EYA1: variants seen among roughly 807,000 people sequenced by gnomAD.
The protein encoded by EYA1 is EYA transcriptional coactivator and phosphatase 1.
A neutral mutation model predicts 82.0 loss-of-function variants in EYA1; 16 were observed. The observed-to-expected ratio is 0.20, with a 90% CI of 0.13 to 0.30. The LOEUF (loss-of-function observed/expected upper bound fraction) is 0.30, where lower values mean the gene tolerates loss of function less well. EYA1 is among the 10% of genes least tolerant of loss of function. The pLI is 1.00. For synonymous variants in EYA1, 261 were observed against 264.4 expected, an observed-to-expected ratio of 0.99 and a Z score of 0.12; for missense variants, 633 against 730.7, an observed-to-expected ratio of 0.87 and a Z score of 1.54.
chr8:71,361,906 C>G lies in EYA1; in HGVS notation c.-314G>C. On this transcript the variant is annotated 5_prime_UTR_variant, in exon 1 of 18. Transcript: ENST00000340726. ...AAAACGTGTTCCCCAGGAAGAAACC[C>G]GCCACAGTGGACGGCAACAGGAAGG... 1 of 985,460 alleles carries G rather than the reference C, an allele frequency of 1.0e-6. No homozygotes were observed. Among genetic ancestry groups the G allele is most frequent in the Non-Finnish European group, 1.2e-6 (1 of 829,970 alleles). The allele number at this position is 985,460 out of a possible 1,614,324, so 61.0% of individuals were successfully genotyped here.
intron 12 of EYA1, among the ~76,000 whole-genome samples, chr8:71,227,461 G>A (rs2128875523): frequency 6.6e-6 from 1 of 152,254 alleles, no homozygotes; most frequent in South Asian, 2.1e-4. Flanking sequence ...CAAACTTGCT[G>A]CCAGAAGCAT....
intron 1 of EYA1, among the ~76,000 whole-genome samples, chr8:71,357,065 T>G (rs1459937602): frequency 6.6e-6 from 1 of 152,202 alleles, no homozygotes; most frequent in African/African-American, 2.4e-5. Flanking sequence ...TAAAACAGCT[T>G]CTGGGCAACT....
At chr8:71,320,528 A>C (rs72654166) in intron 6 of EYA1, among the ~76,000 whole-genome samples, 3 of 152,296 alleles carry the variant, frequency 2.0e-5, no homozygotes, top group Non-Finnish European at 4.4e-5. Flanking sequence ...CTGTGAATAA[A>C]AGTTATGGAA....
At chr8:71,262,293 T>A (rs1400874210) in intron 11 of EYA1, among the ~76,000 whole-genome samples, 1 of 152,216 alleles carries the variant, frequency 6.6e-6, no homozygotes, top group African/African-American at 2.4e-5. Flanking sequence ...TCAAGTCTAA[T>A]CCCCTAAATA....
intron 2 of EYA1, among the ~76,000 whole-genome samples, chr8:71,414,466 C>T (rs566917386): frequency 2.6e-5 from 4 of 152,300 alleles, no homozygotes; most frequent in South Asian, 2.1e-4. Context: ...ACAAGGTTTA[C>T]GGCCTTTCTA....
chr8:71,423,808 A>C (rs1169830068), intron 2 of EYA1, among the ~76,000 whole-genome samples: 1 of 152,234 alleles, frequency 6.6e-6, no homozygotes, highest in Non-Finnish European at 1.5e-5. Context: ...AAAGGCATAC[A>C]TTCCAAAATA....
intron 3 of EYA1, among the ~76,000 whole-genome samples, chr8:71,352,948 A>G (rs1253300769): frequency 6.6e-6 from 1 of 152,240 alleles, no homozygotes; most frequent in Non-Finnish European, 1.5e-5. Flanking sequence ...TAAAATGTTG[A>G]GAAAATGAAA....
chr8:71,349,860 C>G (rs923089942), intron 3 of EYA1, among the ~76,000 whole-genome samples: 5 of 152,114 alleles, frequency 3.3e-5, no homozygotes, highest in Non-Finnish European at 5.9e-5. Context: ...GAATGGTCAT[C>G]ACAGTGACTA....
chr8:71,217,146 A>C, intron 12 of EYA1, 123 bp from the exon 13 acceptor site: 1 of 736,600 alleles, frequency 1.4e-6, no homozygotes, highest in Non-Finnish European at 2.4e-6. Context: ...CAACTATGTC[A>C]ATCAGTAGGT....
intron 11 of EYA1, among the ~76,000 whole-genome samples, chr8:71,249,798 C>T (rs1316371681): frequency 1.3e-5 from 2 of 152,152 alleles, no homozygotes; most frequent in Middle Eastern, 3.2e-3. Flanking sequence ...TTGGTCATTT[C>T]CACCTAGATG....
intron 2 of EYA1, among the ~76,000 whole-genome samples, chr8:71,462,921 T>G (rs1808476903): frequency 6.6e-6 from 1 of 152,164 alleles, no homozygotes; most frequent in African/African-American, 2.4e-5. Context: ...GCAGCTGCTG[T>G]GGATATCCCC....
chr8:71,474,198 TAA>T (rs199862429), intron 2 of EYA1, among the ~76,000 whole-genome samples: 324 of 104,182 alleles, frequency 3.1e-3, no homozygotes, highest in Non-Finnish European at 5.8e-3. Flanking sequence ...AAAGTAAAAT[TAA>T]AAAAAAAAAA....
At position 71,322,191 on chromosome 8, in the gene EYA1, C is replaced by T; in HGVS notation, c.272+8G>A. 2 of 1,609,386 alleles carry T rather than the reference C, an allele frequency of 1.2e-6. No homozygotes were observed. Among genetic ancestry groups the T allele is most frequent in the Non-Finnish European group, 1.7e-6 (2 of 1,175,714 alleles). ...GTTATTTATTGATTAAGAGAAAATA[C>T]ATCTTACTTGGAAGGGTAAATCTGT... is the stretch of plus-strand genomic sequence containing the variant. On this transcript the variant is annotated splice_region_variant and intron_variant, in intron 5 of 17. Coordinates refer to ENST00000340726, the MANE Select transcript of EYA1 (RefSeq NM_000503.6).
chr8:71,271,220 C>A (rs755847995), intron 10 of EYA1, among the ~76,000 whole-genome samples: 2 of 152,134 alleles, frequency 1.3e-5, no homozygotes, highest in Admixed American at 6.5e-5. Context: ...GCATGCAATG[C>A]GAAATAAGCA....
At chr8:71,326,658 G>A (rs1343216544) in intron 4 of EYA1, among the ~76,000 whole-genome samples, 1 of 152,140 alleles carries the variant, frequency 6.6e-6, no homozygotes, top group East Asian at 1.9e-4. Flanking sequence ...TGATGGCCTT[G>A]CTGAAATGTC....
At position 71,277,115 on chromosome 8, in the gene EYA1, A is replaced by ATGCTTTTT. The variant is rs1563383057; in HGVS notation, c.827-5219_827-5218insAAAAAGCA. ...GCCATGCTATTTCATGGCTTCACAC[A>ATGCTTTTT]TTTTTTTTTTTTTTTTTTTTTTTTT... On this transcript the variant is annotated intron_variant, in intron 9 of 17. Transcript: ENST00000340726. Among the ~76,000 whole-genome samples, 2 of 76,938 alleles carry ATGCTTTTT rather than the reference A, an allele frequency of 2.6e-5. 1 individual carries two copies. Among genetic ancestry groups the ATGCTTTTT allele is most frequent in the Admixed American group, 3.7e-4 (2 of 5,458 alleles). 50.5% of individuals were successfully genotyped at this position (76,938 alleles called of 152,430 possible). A position where few individuals can be genotyped will look rare whatever the true frequency, so the allele number is the denominator to read the frequency against.
At chr8:71,264,538 T>G (rs1350050336) in intron 11 of EYA1, among the ~76,000 whole-genome samples, 1 of 152,056 alleles carries the variant, frequency 6.6e-6, no homozygotes, top group African/African-American at 2.4e-5. Flanking sequence ...TTGCCATTAA[T>G]AAGACTCTGT....
intron 2 of EYA1, among the ~76,000 whole-genome samples, chr8:71,505,722 C>T (rs1269140807): frequency 1.3e-5 from 2 of 152,104 alleles, no homozygotes; most frequent in African/African-American, 4.8e-5. Context: ...GCCTTAGAAA[C>T]CATAAAAGAA....
intron 12 of EYA1, among the ~76,000 whole-genome samples, chr8:71,244,329 G>GAA (rs1050538124): frequency 2.0e-5 from 3 of 152,212 alleles, no homozygotes; most frequent in Admixed American, 2.0e-4. Context: ...ATGTAACTGA[G>GAA]AAATATGTGG....
Sources: gnomAD v4.1 joint callset for allele counts (sites outside exome capture counted in the v4.1 genomes callset) on GRCh38, gnomAD v4.1.1 for gene constraint, MANE v1.5 for transcripts, NCBI Gene and HGNC (gene_info 2026-07-23, HGNC 2026-07-21) for gene names.